SLC25A48: variants seen among roughly 807,000 people sequenced by gnomAD.
The protein encoded by SLC25A48 is solute carrier family 25 member 48, also known as CTC-321K16.1.
A neutral mutation model predicts 32.2 loss-of-function variants in SLC25A48; 29 were observed. The ratio of observed to expected loss-of-function variants is 0.90; its 90% CI spans 0.67 to 1.23. SLC25A48 has a LOEUF of 1.23. Ranked by LOEUF, SLC25A48 falls within the 50% of genes most tolerant of loss-of-function variation. The probability of loss-of-function intolerance (pLI) is 0.00; values close to 1 mark genes in which losing one functional copy is unlikely to be tolerated. For synonymous variants in SLC25A48, 164 were observed against 172.3 expected (o/e 0.95, Z 0.38); for missense variants, 399 against 422.7 (o/e 0.94, Z 0.49).
intron 3 of SLC25A48, among the ~76,000 whole-genome samples, chr5:135,678,715 G>T (rs932114707): frequency 3.9e-5 from 6 of 152,154 alleles, no homozygotes; most frequent in Admixed American, 6.5e-5. Context: ...AGTATCCATG[G>T]TGCTGGTTGG....
At chr5:135,604,177 C>T (rs1407285535) in intron 1 of SLC25A48, among the ~76,000 whole-genome samples, 5 of 152,140 alleles carry the variant, frequency 3.3e-5, no homozygotes, top group Admixed American at 1.3e-4. Flanking sequence ...AACCCCAGCC[C>T]GTCTGAGTCC....
At chr5:135,758,992 TAATAG>T (rs1211483856) in intron 3 of SLC25A48, among the ~76,000 whole-genome samples, 1 of 151,616 alleles carries the variant, frequency 6.6e-6, no homozygotes, top group East Asian at 1.9e-4. Context: ...ATTGTGATAT[TAATAG>T]AATATCATCT....
intron 3 of SLC25A48, among the ~76,000 whole-genome samples, chr5:135,704,658 C>G (rs983588912): frequency 2.6e-5 from 4 of 152,134 alleles, no homozygotes; most frequent in African/African-American, 9.7e-5. Context: ...TTTAATCTCT[C>G]TAGTAAGTCT....
intron 3 of SLC25A48, among the ~76,000 whole-genome samples, chr5:135,717,600 G>A (rs1291236677): frequency 6.6e-6 from 1 of 152,178 alleles, no homozygotes; most frequent in African/African-American, 2.4e-5. Context: ...AAAGGAGAGG[G>A]AGACTCAAAC....
intron 3 of SLC25A48, among the ~76,000 whole-genome samples, chr5:135,650,786 A>ATG (rs1376516005): frequency 1.3e-5 from 2 of 151,742 alleles, no homozygotes; most frequent in East Asian, 3.9e-4. Flanking sequence ...GTGCGTGTGT[A>ATG]TGTGTGTGTG....
intron 1 of SLC25A48, among the ~76,000 whole-genome samples, chr5:135,586,809 T>C (rs1282447545): frequency 5.3e-5 from 8 of 152,168 alleles, no homozygotes; most frequent in Middle Eastern, 3.4e-3. Context: ...CAGCACCAAA[T>C]TGTGCAGGGT....
intron 3 of SLC25A48, among the ~76,000 whole-genome samples, chr5:135,730,477 C>G (rs1342852437): frequency 1.3e-5 from 2 of 152,206 alleles, no homozygotes; most frequent in Non-Finnish European, 2.9e-5. Context: ...ATTCCCCAGC[C>G]ACACAGACCT....
chr5:135,791,663 G>A (rs1241599918), intron 3 of SLC25A48, among the ~76,000 whole-genome samples: 1 of 151,302 alleles, frequency 6.6e-6, no homozygotes, highest in Non-Finnish European at 1.5e-5. Flanking sequence ...GATATTACTG[G>A]TAATATTATA....
intron 3 of SLC25A48, among the ~76,000 whole-genome samples, chr5:135,781,642 A>G (rs1224067609): frequency 8.5e-6 from 1 of 116,988 alleles, no homozygotes; most frequent in African/African-American, 2.6e-5. Flanking sequence ...ATTACATTCA[A>G]TATCGCAGTG....
intron 3 of SLC25A48, among the ~76,000 whole-genome samples, chr5:135,734,563 C>T (rs1329589742): frequency 6.6e-6 from 1 of 151,942 alleles, no homozygotes; most frequent in African/African-American, 2.4e-5. Flanking sequence ...TGCGGTGGCT[C>T]ACACCTATAA....
chr5:135,634,001 T>G (rs889160697), intron 2 of SLC25A48, among the ~76,000 whole-genome samples: 2 of 152,226 alleles, frequency 1.3e-5, no homozygotes, highest in African/African-American at 4.8e-5. Context: ...TGAGCTATTT[T>G]CAGAGACTAA....
chr5:135,838,902 T>C (rs1333791229), intron 1 of SLC25A48, among the ~76,000 whole-genome samples: 1 of 152,144 alleles, frequency 6.6e-6, no homozygotes, highest in Admixed American at 6.5e-5. Context: ...ATGGGAAATG[T>C]AGGGTGGGAG....
At chr5:135,703,664 GA>G (rs950195665) in intron 3 of SLC25A48, among the ~76,000 whole-genome samples, 1 of 152,040 alleles carries the variant, frequency 6.6e-6, no homozygotes. Context: ...TTCTCCCCAG[GA>G]AACCTGTGAG....
intron 1 of SLC25A48, among the ~76,000 whole-genome samples, chr5:135,619,667 A>G (rs1752275693): frequency 6.6e-6 from 1 of 152,138 alleles, no homozygotes; most frequent in Non-Finnish European, 1.5e-5. Flanking sequence ...TGTTTCCTGA[A>G]GATGCATCTA....
chr5:135,797,262 A>G (rs1757208067), intron 3 of SLC25A48, among the ~76,000 whole-genome samples: 1 of 151,896 alleles, frequency 6.6e-6, no homozygotes, highest in East Asian at 1.9e-4. Flanking sequence ...ATTACTCCCA[A>G]TATCACAGGG....
intron 3 of SLC25A48, chr5:135,714,740 A>T (rs1040092354): frequency 6.6e-6 from 1 of 152,254 alleles, no homozygotes; most frequent in Non-Finnish European, 1.5e-5. Context: ...CGACCCTGGG[A>T]GACAGGAAGG....
At chr5:135,613,940 A>G (rs1039600191) in intron 1 of SLC25A48, among the ~76,000 whole-genome samples, 1 of 152,170 alleles carries the variant, frequency 6.6e-6, no homozygotes, top group Admixed American at 6.5e-5. Flanking sequence ...TTATGATTCC[A>G]TATGAATTTT....
intron 3 of SLC25A48, chr5:135,653,938 G>C (rs1225267239): frequency 4.4e-6 from 2 of 456,068 alleles, no homozygotes; most frequent in Non-Finnish European, 8.8e-6. Flanking sequence ...TTCTCTCTGG[G>C]GCTGGGAAGC....
intron 3 of SLC25A48, among the ~76,000 whole-genome samples, chr5:135,786,049 G>A (rs907575317): frequency 1.3e-5 from 2 of 151,782 alleles, no homozygotes; most frequent in Non-Finnish European, 2.9e-5. Flanking sequence ...TGGGGCTGGG[G>A]GTGGAACACC....
Sources: allele counts gnomAD v4.1 joint callset (sites outside exome capture counted in the v4.1 genomes callset), GRCh38; gene constraint gnomAD v4.1.1; transcripts MANE v1.5; gene names NCBI Gene and HGNC (gene_info 2026-07-23, HGNC 2026-07-21).